Variants in DENND1A observed in about 807,000 individuals in gnomAD.
DENND1A encodes DENN domain-containing protein 1A.
A neutral mutation model predicts 113.7 loss-of-function variants in DENND1A; 51 were observed. The ratio of observed to expected loss-of-function variants is 0.45; its 90% CI spans 0.36 to 0.57. The LOEUF (loss-of-function observed/expected upper bound fraction) is 0.57, where lower values mean the gene tolerates loss of function less well. Ranked by LOEUF, DENND1A falls within the 20% of genes least tolerant of loss-of-function variation. The pLI, the probability that DENND1A is intolerant of heterozygous loss-of-function variation, is 0.00. For missense variants in DENND1A, 1,258 were observed against 1,395.9 expected (o/e 0.90, Z 1.57); for synonymous variants, 565 against 570.8 (o/e 0.99, Z 0.14).
At chr9:123,777,710 GAAT>G (rs757336224) in intron 3 of DENND1A, among the ~76,000 whole-genome samples, 2 of 152,162 alleles carry the variant, frequency 1.3e-5, no homozygotes, top group Admixed American at 6.5e-5. Context: ...TCTTGTATGA[GAAT>G]AATAGCCTAA....
chr9:123,711,487 A>ATATATATATATATATATGTATATATG (rs1264632638), intron 5 of DENND1A, among the ~76,000 whole-genome samples: 3 of 64,790 alleles, frequency 4.6e-5, no homozygotes, highest in African/African-American at 9.6e-5. Flanking sequence ...AAATTAAAAA[A>ATATATATATATATATATGTATATATG]TATATATATA....
intron 5 of DENND1A, among the ~76,000 whole-genome samples, chr9:123,723,742 T>A (rs555287191): frequency 6.6e-6 from 1 of 152,312 alleles, no homozygotes; most frequent in African/African-American, 2.4e-5. Flanking sequence ...CGCAGAACTG[T>A]AAATCCATTA....
intron 21 of DENND1A, among the ~76,000 whole-genome samples, chr9:123,390,947 C>A (rs149607568): frequency 1.1e-3 from 161 of 152,380 alleles, no homozygotes; most frequent in African/African-American, 3.7e-3. Flanking sequence ...TGGTGCAACG[C>A]CACTGAACCT....
intron 9 of DENND1A, among the ~76,000 whole-genome samples, chr9:123,638,078 C>G (rs1332370772): frequency 6.6e-6 from 1 of 152,090 alleles, no homozygotes; most frequent in East Asian, 1.9e-4. Flanking sequence ...CCTGCTTAAT[C>G]ACTTCTCTCC....
intron 13 of DENND1A, among the ~76,000 whole-genome samples, chr9:123,521,250 T>C (rs2054370297): frequency 6.6e-6 from 1 of 152,188 alleles, no homozygotes; most frequent in South Asian, 2.1e-4. Flanking sequence ...AATTTTTCTG[T>C]TGGTTATCAG....
chr9:123,537,939 G>C (rs911852670), intron 13 of DENND1A, among the ~76,000 whole-genome samples: 1 of 152,230 alleles, frequency 6.6e-6, no homozygotes, highest in African/African-American at 2.4e-5. Context: ...AATAAAAAAT[G>C]ACTGCAGAGG....
rs1279335989 is a variant in DENND1A, at chr9:123,531,552, TCTACACAC to T, written c.993+26010_993+26017del. On this transcript the variant is annotated intron_variant, in intron 13 of 23. Transcript: ENST00000394215. Reference sequence around the variant, plus strand: ...TTATCCTTCTCTTCCCCCCTCTCTCTCTACACACACACACACACACACACACACACACA... The same window carrying T: ...TTATCCTTCTCTTCCCCCCTCTCTCTACACACACACACACACACACACACA... Among the ~76,000 whole-genome samples the T allele has an allele frequency of 8.1e-3, 1,090 of 133,864 alleles. 21 individuals are homozygous for T. Among genetic ancestry groups the T allele is most frequent in the African/African-American group, 0.026 (915 of 35,166 alleles). 87.8% of individuals were successfully genotyped at this position (133,864 alleles called of 152,430 possible). A position where few individuals can be genotyped will look rare whatever the true frequency, so the allele number is the denominator to read the frequency against.
At chr9:123,456,496 A>C (rs565710085) in intron 15 of DENND1A, among the ~76,000 whole-genome samples, 3 of 152,298 alleles carry the variant, frequency 2.0e-5, no homozygotes, top group Admixed American at 1.3e-4. Flanking sequence ...CCAGGCACTC[A>C]ACAATAATTT....
intron 11 of DENND1A, among the ~76,000 whole-genome samples, chr9:123,594,602 A>G (rs74962270): frequency 0.081 from 12,256 of 151,652 alleles, 533 homozygotes; most frequent in Non-Finnish European, 0.09. Context: ...TTGATGCCTG[A>G]CCCAGACTCC....
intron 2 of DENND1A, among the ~76,000 whole-genome samples, chr9:123,794,926 C>T (rs537007042): frequency 1.3e-5 from 2 of 151,644 alleles, no homozygotes; most frequent in Non-Finnish European, 2.9e-5. Flanking sequence ...CCCAATACTG[C>T]CTCAATGGAA....
intron 2 of DENND1A, among the ~76,000 whole-genome samples, chr9:123,809,183 G>A (rs529754417): frequency 6.6e-6 from 1 of 152,296 alleles, no homozygotes; most frequent in East Asian, 1.9e-4. Flanking sequence ...CCCCCTGCAT[G>A]TTCCTCCGAG....
At chr9:123,793,481 A>G (rs190145027) in intron 2 of DENND1A, among the ~76,000 whole-genome samples, 39 of 152,306 alleles carry the variant, frequency 2.6e-4, no homozygotes, top group Admixed American at 2.5e-3. Context: ...TTCCTTTGAG[A>G]CATGTTAAGG....
Position 123,885,446 on chromosome 9 carries a change from C to T in DENND1A, c.18-6425G>A, listed in dbSNP as rs149869483. ...ATGAGTTTTCCTCCAACATCTGACACGTTTCCAGCTCCCACTAATCACTTC... is the reference window on the plus strand; with the variant it reads ...ATGAGTTTTCCTCCAACATCTGACATGTTTCCAGCTCCCACTAATCACTTC... On this transcript the variant is annotated intron_variant, in intron 1 of 23. Coordinates refer to ENST00000394215, the MANE Select transcript of DENND1A (RefSeq NM_001352964.2). 1.6e-3 allele frequency among the ~76,000 whole-genome samples: 251 copies of T among 152,310 alleles called. 2 individuals carry two copies. Among genetic ancestry groups the T allele is most frequent in the African/African-American group, 5.8e-3 (242 of 41,574 alleles).
At chr9:123,589,040 A>G (rs573548292) in intron 11 of DENND1A, among the ~76,000 whole-genome samples, 1 of 152,264 alleles carries the variant, frequency 6.6e-6, no homozygotes, top group East Asian at 1.9e-4. Flanking sequence ...TGCTCGGATG[A>G]CAGGTGTGAG....
chr9:123,519,271 G>A (rs888895068), intron 13 of DENND1A, among the ~76,000 whole-genome samples: 5 of 152,152 alleles, frequency 3.3e-5, no homozygotes, highest in Non-Finnish European at 7.3e-5. Flanking sequence ...CTCCTTGAAG[G>A]AGGGGATCAT....
intron 13 of DENND1A, among the ~76,000 whole-genome samples, chr9:123,479,295 TTGA>T (rs1203665033): frequency 1.3e-5 from 2 of 152,220 alleles, no homozygotes; most frequent in Non-Finnish European, 2.9e-5. Flanking sequence ...TCATTTGCTC[TTGA>T]TGAGAGGAGC....
intron 12 of DENND1A, among the ~76,000 whole-genome samples, chr9:123,581,370 A>G (rs1031985999): frequency 1.3e-5 from 2 of 152,192 alleles, no homozygotes; most frequent in African/African-American, 2.4e-5. Flanking sequence ...ACAGTGGCTC[A>G]TGCTTGTAAT....
intron 22 of DENND1A, among the ~76,000 whole-genome samples, chr9:123,385,383 T>G (rs1324466015): frequency 1.3e-5 from 2 of 152,210 alleles, no homozygotes; most frequent in Non-Finnish European, 2.9e-5. Flanking sequence ...CAGGCTGGTC[T>G]CGAACTCCTG....
At chr9:123,586,777 C>T (rs1254514243) in intron 11 of DENND1A, among the ~76,000 whole-genome samples, 5 of 152,054 alleles carry the variant, frequency 3.3e-5, no homozygotes, top group Non-Finnish European at 5.9e-5. Flanking sequence ...ACAGGAAGCG[C>T]GGATGAGAAG....
Sources: gnomAD v4.1 joint callset for allele counts (sites outside exome capture counted in the v4.1 genomes callset) on GRCh38, gnomAD v4.1.1 for gene constraint, MANE v1.5 for transcripts, NCBI Gene and HGNC (gene_info 2026-07-23, HGNC 2026-07-21) for gene names.